DOCK4: variants seen among roughly 807,000 people sequenced by gnomAD.
DOCK4 encodes the protein dedicator of cytokinesis 4.
Under a neutral mutation model 268.1 loss-of-function variants are expected in DOCK4, and 97 were observed. That is an observed-to-expected ratio of 0.36 (90% CI 0.31 to 0.43). The LOEUF (loss-of-function observed/expected upper bound fraction) is 0.43. Among genes scored for constraint, DOCK4 ranks in the 20% least tolerant of loss-of-function variants. The probability of loss-of-function intolerance (pLI) is 1.00; values close to 1 mark genes in which losing one functional copy is unlikely to be tolerated. For synonymous variants in DOCK4, 954 were observed against 887.2 expected, an observed-to-expected ratio of 1.08 and a Z score of -1.34; for missense variants, 2,145 against 2,455.7, an observed-to-expected ratio of 0.87 and a Z score of 2.67.
intron 12 of DOCK4, among the ~76,000 whole-genome samples, chr7:111,934,720 T>A (rs948486070): frequency 2.7e-5 from 4 of 148,560 alleles, no homozygotes; most frequent in East Asian, 2.0e-4. Flanking sequence ...TTTTTTTTTT[T>A]AGTAGAGATG....
At chr7:111,770,769 C>T (rs1276588819) in intron 36 of DOCK4, among the ~76,000 whole-genome samples, 1 of 152,186 alleles carries the variant, frequency 6.6e-6, no homozygotes, top group Non-Finnish European at 1.5e-5. Context: ...ATAATGATAG[C>T]TTTTAAGATG....
intron 1 of DOCK4, among the ~76,000 whole-genome samples, chr7:112,164,128 T>A (rs1586953603): frequency 6.6e-6 from 1 of 151,972 alleles, no homozygotes; most frequent in Non-Finnish European, 1.5e-5. Flanking sequence ...ACCAAAAAAA[T>A]TTTTTTAATT....
chr7:111,925,996 G>A (rs1193581479), intron 12 of DOCK4, among the ~76,000 whole-genome samples: 1 of 149,944 alleles, frequency 6.7e-6, no homozygotes, highest in African/African-American at 2.5e-5. Context: ...TCAGGAGGCT[G>A]AGGCAGGGGA....
chr7:112,101,903 C>T (rs259313), intron 1 of DOCK4, among the ~76,000 whole-genome samples: 47,982 of 150,430 alleles, frequency 0.32, 8,165 homozygotes, highest in Non-Finnish European at 0.38. Flanking sequence ...AGTGCAGTGG[C>T]GCGATCTCGG....
At chr7:111,943,524 C>G (rs1189620667) in intron 10 of DOCK4, among the ~76,000 whole-genome samples, 1 of 152,200 alleles carries the variant, frequency 6.6e-6, no homozygotes, top group Non-Finnish European at 1.5e-5. Flanking sequence ...TTTACTTTAA[C>G]CATTGGTATT....
At chr7:112,202,471 G>C (rs1821028680) in intron 1 of DOCK4, among the ~76,000 whole-genome samples, 1 of 151,986 alleles carries the variant, frequency 6.6e-6, no homozygotes, top group African/African-American at 2.4e-5. Flanking sequence ...GATTTTAAAT[G>C]TTTTTTACAC....
intron 1 of DOCK4, among the ~76,000 whole-genome samples, chr7:112,035,799 A>G (rs1803701124): frequency 6.6e-6 from 1 of 152,194 alleles, no homozygotes; most frequent in Admixed American, 6.5e-5. Context: ...CATTTAAAAA[A>G]AGCTCTCCAG....
At chr7:112,031,147 C>T (rs73432726) in intron 1 of DOCK4, among the ~76,000 whole-genome samples, 3,579 of 152,182 alleles carry the variant, frequency 0.024, 119 homozygotes, top group African/African-American at 0.08. Flanking sequence ...CTAGCAATCA[C>T]AAAAAAGCAA....
intron 47 of DOCK4, chr7:111,739,848 A>C (rs1585836430): frequency 6.1e-6 from 2 of 328,640 alleles, no homozygotes; most frequent in Non-Finnish European, 5.9e-6. Context: ...AGTATGTTCA[A>C]AGCATGAATT....
intron 1 of DOCK4, among the ~76,000 whole-genome samples, chr7:112,135,773 C>CAA (rs34639449): frequency 0.015 from 2,179 of 145,874 alleles, 18 homozygotes; most frequent in Non-Finnish European, 0.025. Flanking sequence ...GTCCTCTCAC[C>CAA]AAAAAAAAAA....
In DOCK4 at chr7:112,018,184, A is replaced by C. The variant is rs568306942; in HGVS notation, c.38-14053T>G. Among the ~76,000 whole-genome samples, 31 of 140,002 alleles carry C rather than the reference A, an allele frequency of 2.2e-4. 2 individuals carry two copies. Among genetic ancestry groups the C allele is most frequent in the Non-Finnish European group, 2.8e-4 (18 of 65,022 alleles). The allele number at this position is 140,002 out of a possible 152,430, so 91.8% of individuals were successfully genotyped here. A position where few individuals can be genotyped will look rare whatever the true frequency, so the allele number is the denominator to read the frequency against. On this transcript the variant is annotated intron_variant, in intron 1 of 52. Coordinates refer to ENST00000428084, the MANE Select transcript of DOCK4 (RefSeq NM_001363540.2). ...AAAAAAAAAAAAAAAAAAAAAACAC[A>C]GGCAACCAGTATTCATGTGGCTTAT...
At chr7:112,169,390 CA>C (rs1203529825) in intron 1 of DOCK4, among the ~76,000 whole-genome samples, 1 of 152,070 alleles carries the variant, frequency 6.6e-6, no homozygotes, top group African/African-American at 2.4e-5. Context: ...GGTGGCAATA[CA>C]GCTTGAAAAA....
chr7:111,760,248 G>T lies in DOCK4; in HGVS notation c.4095C>A (p.Phe1365Leu). The T allele has an allele frequency of 6.2e-7, 1 of 1,613,942 alleles. No individual in the cohort carries two copies. Among genetic ancestry groups the T allele is most frequent in the Non-Finnish European group, 8.5e-7 (1 of 1,179,888 alleles). The part of the protein sequence containing the change: ...EAFQQRMLNE[F>L]PHAIAMQHAN... Reference sequence around the variant, plus strand: ...CGTGCTGCATGGCGATGGCATGGGGGAACTCGTTCAGCATTCTCTGTTGGA... The same window carrying T: ...CGTGCTGCATGGCGATGGCATGGGGTAACTCGTTCAGCATTCTCTGTTGGA... Residue 1365 changes from phenylalanine (F) to leucine (L), a missense_variant, in exon 40 of 53, where the codon TTC (phenylalanine) becomes TTA (leucine). Coordinates refer to ENST00000428084, the MANE Select transcript of DOCK4 (RefSeq NM_001363540.2).
chr7:111,848,955 CT>C (rs903393420), intron 23 of DOCK4, among the ~76,000 whole-genome samples: 2 of 152,174 alleles, frequency 1.3e-5, no homozygotes, highest in Non-Finnish European at 2.9e-5. Context: ...TCACCTCAGC[CT>C]TTAATTAGCC....
At chr7:111,952,081 G>A (rs970472152) in intron 8 of DOCK4, among the ~76,000 whole-genome samples, 1 of 148,706 alleles carries the variant, frequency 6.7e-6, no homozygotes, top group Non-Finnish European at 1.5e-5. Flanking sequence ...AGATAGCAAA[G>A]TCCCTGTCTG....
In DOCK4 at chr7:111,735,078, CAG is replaced by C; in HGVS notation, c.5393_5394del (p.Pro1798ArgfsTer77). 6.3e-7 allele frequency: 1 copy of C among 1,597,100 alleles called. No individual in the cohort carries two copies. The highest frequency in any genetic ancestry group is 8.5e-7 in the Non-Finnish European group (1 of 1,171,500). On this transcript the variant is annotated frameshift_variant, in exon 51 of 53. Transcript: ENST00000428084. LOFTEE classifies it high-confidence loss of function. ...CCAGTCTGTGTGGGTCTTGGAGGGA[CAG>C]GGGGAGAGATAAGTTTCCCACTATC... ...MSDSGKLISP[P>X]VPPRPTQTAS...
intron 12 of DOCK4, among the ~76,000 whole-genome samples, chr7:111,928,680 C>T (rs974338367): frequency 4.6e-5 from 7 of 151,486 alleles, no homozygotes; most frequent in Admixed American, 3.9e-4. Context: ...CTCTGCTTCC[C>T]AGATTCAATT....
At chr7:111,922,784 T>C (rs1308606660) in intron 12 of DOCK4, among the ~76,000 whole-genome samples, 1 of 152,152 alleles carries the variant, frequency 6.6e-6, no homozygotes, top group African/African-American at 2.4e-5. Flanking sequence ...GGTTTCACCG[T>C]GTTAGCCAGT....
intron 1 of DOCK4, among the ~76,000 whole-genome samples, chr7:112,017,109 A>C (rs1801877809): frequency 6.6e-6 from 1 of 152,190 alleles, no homozygotes; most frequent in Non-Finnish European, 1.5e-5. Context: ...TTCTGGCAGG[A>C]ATCTAGACTT....
Sources: gnomAD v4.1 joint callset for allele counts (sites outside exome capture counted in the v4.1 genomes callset) on GRCh38, gnomAD v4.1.1 for gene constraint, MANE v1.5 for transcripts, NCBI Gene and HGNC (gene_info 2026-07-23, HGNC 2026-07-21) for gene names.